The following FAM120A variants were observed in gnomAD, a reference collection of about 807,000 sequenced individuals.
FAM120A encodes the protein constitutive coactivator of PPAR-gamma-like protein 1.
FAM120A carries 15 observed loss-of-function variants against 109.7 expected under a neutral mutation model. The ratio of observed to expected loss-of-function variants is 0.14; its 90% confidence interval spans 0.09 to 0.21. FAM120A has a LOEUF of 0.21. Among genes scored for constraint, FAM120A ranks in the 10% least tolerant of loss-of-function variants. The pLI is 1.00. For missense variants in FAM120A, 899 were observed against 1,439.3 expected (o/e 0.62, Z 6.07); for synonymous variants, 493 against 572.8 (o/e 0.86, Z 1.99).
At chr9:93,512,320 C>T (rs1860357686) in intron 5 of FAM120A, among the ~76,000 whole-genome samples, 1 of 152,132 alleles carries the variant, frequency 6.6e-6, no homozygotes, top group African/African-American at 2.4e-5. Flanking sequence ...AGCCACACAG[C>T]TGCATATAGG....
chr9:93,530,105 C>T (rs992621466), intron 9 of FAM120A: 7 of 167,910 alleles, frequency 4.2e-5, no homozygotes, highest in African/African-American at 7.2e-5. Flanking sequence ...TGTTAACATA[C>T]GCATAGTCAG....
rs772380883 is a variant in FAM120A, at chr9:93,529,650, C to T, written c.1734+70C>T. On this transcript the variant is annotated intron_variant, in intron 9 of 17. Coordinates refer to ENST00000277165, the MANE Select transcript of FAM120A (RefSeq NM_014612.5). ...TGGCCATTCCTATGGGTGTTTTGTCCTTTTGTCCTTTTTTGAACCATTTTT... is the reference window on the plus strand; with the variant it reads ...TGGCCATTCCTATGGGTGTTTTGTCTTTTTGTCCTTTTTTGAACCATTTTT... The T allele has an allele frequency of 9.4e-6, 13 of 1,389,998 alleles. No homozygotes were observed. In the African/African-American group the frequency reaches 1.9e-4, roughly 20 times the overall value. 86.1% of individuals were successfully genotyped at this position (1,389,998 alleles called of 1,614,324 possible). A position where few individuals can be genotyped will look rare whatever the true frequency, so the allele number is the denominator to read the frequency against.
chr9:93,525,004 A>T (rs1861012322), intron 7 of FAM120A, among the ~76,000 whole-genome samples: 1 of 152,138 alleles, frequency 6.6e-6, no homozygotes, highest in Non-Finnish European at 1.5e-5. Context: ...CTAAAATGTT[A>T]TCCATCTGTT....
intron 10 of FAM120A, among the ~76,000 whole-genome samples, chr9:93,538,362 G>A (rs1010494928): frequency 2.6e-5 from 4 of 152,020 alleles, no homozygotes; most frequent in African/African-American, 9.7e-5. Context: ...AAAAATTAGG[G>A]GGCAGTTTTT....
chr9:93,525,052 T>A (rs549906261), intron 7 of FAM120A, among the ~76,000 whole-genome samples: 2 of 152,276 alleles, frequency 1.3e-5, no homozygotes, highest in African/African-American at 2.4e-5. Flanking sequence ...TTTTTTTTTT[T>A]AATTGTAAAG....
chr9:93,554,613 C>T (rs1862227145), intron 12 of FAM120A, among the ~76,000 whole-genome samples: 1 of 151,986 alleles, frequency 6.6e-6, no homozygotes, highest in Non-Finnish European at 1.5e-5. Context: ...GCAGAGGTTG[C>T]AGTGAGCCAA....
intron 10 of FAM120A, among the ~76,000 whole-genome samples, chr9:93,541,454 G>A (rs1237998731): frequency 6.6e-6 from 1 of 152,154 alleles, no homozygotes; most frequent in Non-Finnish European, 1.5e-5. Context: ...CTTAGATTGT[G>A]CGTCCAACGA....
Position 93,556,684 on chromosome 9 carries a change from G to T in FAM120A, c.2484+93G>T, listed in dbSNP as rs956761565. 8.4e-5 allele frequency: 110 copies of T among 1,304,448 alleles called. No individual in the cohort carries two copies. The South Asian group carries it at 1.2e-3, about 15-fold the overall frequency. 80.8% of individuals were successfully genotyped at this position (1,304,448 alleles called of 1,614,324 possible). ...TCTTTTATACCATATTTATCATCCT[G>T]TGTTTCAAGATTCTGTTTTAGGTTG... On this transcript the variant is annotated intron_variant, in intron 13 of 17. Transcript: ENST00000277165.
rs148504862 is a variant in FAM120A at position 93,453,780 on chromosome 9, A to C, written c.474+1391A>C. ...AATCGGAGCCTGGGGCGCTCAGGGA[A>C]GTAAGGTGCTGCCATTTGTCTGAAG... On this transcript the variant is annotated intron_variant, in intron 1 of 17. Coordinates refer to ENST00000277165, the MANE Select transcript of FAM120A (RefSeq NM_014612.5). Among the ~76,000 whole-genome samples the C allele has an allele frequency of 7.6e-4, 116 of 152,308 alleles. 1 individual carries two copies. In the East Asian group the frequency reaches 0.021, roughly 28 times the overall value.
In FAM120A at chr9:93,534,378, G is replaced by C. The variant is rs146745647; in HGVS notation, c.1909+2049G>C. ...GCTGGAATCAGAGGTCACAGGAATG[G>C]AGCCATCCTGTGGCTCCTTTTCTTC... On this transcript the variant is annotated intron_variant, in intron 10 of 17. Coordinates refer to ENST00000277165, the MANE Select transcript of FAM120A (RefSeq NM_014612.5). 3.9e-3 allele frequency among the ~76,000 whole-genome samples: 599 copies of C among 152,210 alleles called. 4 individuals carry two copies. Among genetic ancestry groups the C allele is most frequent in the Non-Finnish European group, 6.7e-3 (459 of 68,008 alleles).
chr9:93,475,732 G>T (rs1335364589), intron 2 of FAM120A, among the ~76,000 whole-genome samples: 1 of 152,168 alleles, frequency 6.6e-6, no homozygotes, highest in East Asian at 1.9e-4. Context: ...TATGTTTGTG[G>T]GTGGTGATGG....
chr9:93,525,985 A>G (rs1861064284), intron 7 of FAM120A, among the ~76,000 whole-genome samples: 1 of 152,146 alleles, frequency 6.6e-6, no homozygotes. Flanking sequence ...ACAGAACTAT[A>G]ATGAAGTTGA....
intron 5 of FAM120A, among the ~76,000 whole-genome samples, chr9:93,513,432 T>C (rs537963746): frequency 1.3e-5 from 2 of 152,176 alleles, no homozygotes; most frequent in Non-Finnish European, 2.9e-5. Flanking sequence ...GGCACGGACT[T>C]GTGGACTTAT....
At chr9:93,474,836 G>A (rs1564314268) in intron 2 of FAM120A, among the ~76,000 whole-genome samples, 2 of 152,070 alleles carry the variant, frequency 1.3e-5, no homozygotes, top group African/African-American at 2.4e-5. Context: ...CTCATGATCC[G>A]CCCACCTTGG....
intron 12 of FAM120A, among the ~76,000 whole-genome samples, chr9:93,551,951 G>A (rs1016015393): frequency 6.6e-6 from 1 of 152,214 alleles, no homozygotes; most frequent in African/African-American, 2.4e-5. Flanking sequence ...CCGTCAGGCA[G>A]TGTGGCTGGT....
chr9:93,489,400 C>T (rs1484906019), intron 3 of FAM120A, among the ~76,000 whole-genome samples: 1 of 152,194 alleles, frequency 6.6e-6, no homozygotes, highest in African/African-American at 2.4e-5. Flanking sequence ...AAGGTGACCA[C>T]AGTACACTAC....
intron 7 of FAM120A, among the ~76,000 whole-genome samples, chr9:93,519,717 C>A (rs1054811347): frequency 3.3e-5 from 5 of 151,940 alleles, no homozygotes; most frequent in African/African-American, 1.2e-4. Flanking sequence ...TGTGGGACAC[C>A]CTGCAAAATA....
intron 1 of FAM120A, chr9:93,453,260 G>A (rs985927073): frequency 1.9e-5 from 19 of 992,456 alleles, no homozygotes; most frequent in Non-Finnish European, 2.2e-5. Flanking sequence ...GGTAATCAGA[G>A]CTCTATATCA....
chr9:93,539,730 G>A (rs1315598018), intron 10 of FAM120A, among the ~76,000 whole-genome samples: 2 of 152,192 alleles, frequency 1.3e-5, no homozygotes, highest in Non-Finnish European at 2.9e-5. Context: ...GAATAATACC[G>A]TGAGGGCTGA....
Sources: allele counts gnomAD v4.1 joint callset (sites outside exome capture counted in the v4.1 genomes callset), GRCh38; gene constraint gnomAD v4.1.1; transcripts MANE v1.5; gene names NCBI Gene and HGNC (gene_info 2026-07-23, HGNC 2026-07-21).